Variants in SLC24A2 observed in about 807,000 individuals in gnomAD.
The protein encoded by SLC24A2 is sodium/potassium/calcium exchanger 2.
Under a neutral mutation model 62.0 loss-of-function variants are expected in SLC24A2, and 36 were observed. That is an observed-to-expected ratio of 0.58 (90% CI 0.44 to 0.77). The LOEUF (loss-of-function observed/expected upper bound fraction) is 0.77. Ranked by LOEUF, SLC24A2 falls within the 30% of genes least tolerant of loss-of-function variation. SLC24A2 has a pLI of 0.00. For missense variants in SLC24A2, 846 were observed against 817.9 expected, an observed-to-expected ratio of 1.03 and a Z score of -0.42; for synonymous variants, 358 against 294.0, an observed-to-expected ratio of 1.22 and a Z score of -2.23.
At chr9:20,093,437 T>G in the SLC24A2 span, among the ~76,000 whole-genome samples, 1 of 152,206 alleles carries the variant, frequency 6.6e-6, no homozygotes, top group Non-Finnish European at 1.5e-5. Flanking sequence ...TACTCTTTTT[T>G]GTCTGTCTCT....
At chr9:19,822,017 T>C in the SLC24A2 span, among the ~76,000 whole-genome samples, 1 of 152,122 alleles carries the variant, frequency 6.6e-6, no homozygotes, top group Non-Finnish European at 1.5e-5. Context: ...TTTAATGGTA[T>C]GAGGCATCAT....
At chr9:19,633,876 C>G (rs1309990062) in intron 2 of SLC24A2, among the ~76,000 whole-genome samples, 1 of 152,000 alleles carries the variant, frequency 6.6e-6, no homozygotes, top group African/African-American at 2.4e-5. Flanking sequence ...AAATATTTTC[C>G]CCCTGTCTTT....
the SLC24A2 span, among the ~76,000 whole-genome samples, chr9:19,975,692 A>G: frequency 6.6e-6 from 1 of 152,142 alleles, no homozygotes; most frequent in African/African-American, 2.4e-5. Context: ...CTTTATCTCT[A>G]AATCTGGTTC....
chr9:19,804,486 G>A, the SLC24A2 span, among the ~76,000 whole-genome samples: 11 of 152,130 alleles, frequency 7.2e-5, no homozygotes, highest in South Asian at 2.1e-4. Flanking sequence ...TATAATTGAC[G>A]TTTGTATATT....
At chr9:19,997,648 T>C in the SLC24A2 span, among the ~76,000 whole-genome samples, 1 of 152,150 alleles carries the variant, frequency 6.6e-6, no homozygotes, top group Non-Finnish European at 1.5e-5. Context: ...TGGTTAGAAA[T>C]GATTCCACTC....
chr9:19,555,464 G>A (rs545699592), intron 7 of SLC24A2, among the ~76,000 whole-genome samples: 6 of 152,238 alleles, frequency 3.9e-5, no homozygotes, highest in East Asian at 3.9e-4. Context: ...ACCATGTTGC[G>A]GTCTTAGTAC....
At chr9:20,115,034 G>A in the SLC24A2 span, among the ~76,000 whole-genome samples, 171 of 152,222 alleles carry the variant, frequency 1.1e-3, 3 homozygotes, top group South Asian at 0.032. Context: ...GAGGAAAATG[G>A]GGGTTGTGGG....
intron 7 of SLC24A2, among the ~76,000 whole-genome samples, chr9:19,570,132 A>T (rs1835796233): frequency 6.6e-6 from 1 of 152,220 alleles, no homozygotes. Flanking sequence ...TATTAGGTAA[A>T]CAATCAAAAT....
the SLC24A2 span, among the ~76,000 whole-genome samples, chr9:19,828,767 A>G: frequency 6.6e-6 from 1 of 152,162 alleles, no homozygotes; most frequent in African/African-American, 2.4e-5. Flanking sequence ...GGGGTGGGTA[A>G]GTGGAGGGGA....
chr9:19,917,371 A>G, the SLC24A2 span, among the ~76,000 whole-genome samples: 6,586 of 140,400 alleles, frequency 0.047, 260 homozygotes, highest in East Asian at 0.22. Flanking sequence ...TTTTTTTGGC[A>G]TTTAGTCTGC....
At chr9:19,842,552 A>G in the SLC24A2 span, among the ~76,000 whole-genome samples, 18 of 152,234 alleles carry the variant, frequency 1.2e-4, no homozygotes, top group African/African-American at 3.6e-4. Context: ...TCACAATTCC[A>G]AGTAATATCT....
the SLC24A2 span, among the ~76,000 whole-genome samples, chr9:19,908,518 C>A: frequency 2.0e-5 from 3 of 152,010 alleles, no homozygotes; most frequent in Admixed American, 1.3e-4. Context: ...TTCTGCACAG[C>A]AAAAGAAACC....
At chr9:20,116,776 A>G in the SLC24A2 span, among the ~76,000 whole-genome samples, 1 of 152,172 alleles carries the variant, frequency 6.6e-6, no homozygotes, top group Non-Finnish European at 1.5e-5. Context: ...TGATCAGTTC[A>G]TTGACTCTGA....
At chr9:20,101,847 G>T in the SLC24A2 span, among the ~76,000 whole-genome samples, 1 of 152,132 alleles carries the variant, frequency 6.6e-6, no homozygotes, top group Non-Finnish European at 1.5e-5. Context: ...GATCCCAATG[G>T]AAACTGTGCC....
At chr9:19,562,490 G>A (rs1203755661) in intron 7 of SLC24A2, among the ~76,000 whole-genome samples, 2 of 152,054 alleles carry the variant, frequency 1.3e-5, no homozygotes, top group Non-Finnish European at 2.9e-5. Flanking sequence ...TCAAATTAAG[G>A]CAGAAACTCT....
the SLC24A2 span, among the ~76,000 whole-genome samples, chr9:20,236,455 A>C: frequency 6.6e-6 from 1 of 152,220 alleles, no homozygotes; most frequent in Non-Finnish European, 1.5e-5. Context: ...GAAAGTAAGC[A>C]TTCCATTTGT....
At chr9:20,028,676 G>T in the SLC24A2 span, among the ~76,000 whole-genome samples, 2 of 152,148 alleles carry the variant, frequency 1.3e-5, no homozygotes, top group Non-Finnish European at 2.9e-5. Flanking sequence ...TTACTAGAAA[G>T]CTCCCCAAAG....
At position 19,683,587 on chromosome 9, in the gene SLC24A2, A is replaced by G. The variant is rs551875020; in HGVS notation, c.931-61288T>C. The stretch of plus-strand genomic sequence containing the variant: ...AAACATAAATTTATTTTTTCATGAA[A>G]TGTGTGTTCAACCAAACCTCACTAA... On this transcript the variant is annotated intron_variant, in intron 2 of 10. Coordinates refer to ENST00000341998, the MANE Select transcript of SLC24A2 (RefSeq NM_020344.4). 2.4e-3 allele frequency among the ~76,000 whole-genome samples: 360 copies of G among 151,826 alleles called. 2 individuals are homozygous for G. Among genetic ancestry groups the G allele is most frequent in the Middle Eastern group, 6.8e-3 (2 of 294 alleles).
chr9:19,513,153 GATATATAT>G lies in SLC24A2; in HGVS notation c.*2992_*2999del, dbSNP rs1188899124. ...TGTGTACATATAGATCTGGTATAAA[GATATATAT>G]ATATATATATATATGTATATATATA... On this transcript the variant is annotated 3_prime_UTR_variant, in exon 11 of 11. Transcript: ENST00000341998. The G allele has an allele frequency of 3.7e-5, 3 of 80,594 alleles. No individual in the cohort carries two copies. Among genetic ancestry groups the G allele is most frequent in the Admixed American group, 1.5e-4 (1 of 6,532 alleles). 5.0% of individuals were successfully genotyped at this position (80,594 alleles called of 1,614,324 possible). A position where few individuals can be genotyped will look rare whatever the true frequency, so the allele number is the denominator to read the frequency against.
Sources: gnomAD v4.1 joint callset for allele counts (sites outside exome capture counted in the v4.1 genomes callset) on GRCh38, gnomAD v4.1.1 for gene constraint, MANE v1.5 for transcripts, NCBI Gene and HGNC (gene_info 2026-07-23, HGNC 2026-07-21) for gene names.